Variants in GLIS3 observed in about 807,000 individuals in gnomAD.
GLIS3 encodes zinc finger protein GLIS3.
Under a neutral mutation model 78.6 loss-of-function variants are expected in GLIS3, and 53 were observed. The ratio of observed to expected loss-of-function variants is 0.67; its 90% CI spans 0.54 to 0.85. The LOEUF is 0.85. Among genes scored for constraint, GLIS3 ranks in the 40% least tolerant of loss-of-function variants. The pLI is 0.00. For missense variants in GLIS3, 1,703 were observed against 1,231.1 expected (o/e 1.38, Z -5.74); for synonymous variants, 684 against 509.9 (o/e 1.34, Z -4.60).
chr9:4,096,696 G>A lies in GLIS3; in HGVS notation c.1710+21072C>T, dbSNP rs144924095. Among the ~76,000 whole-genome samples, 237 of 152,176 alleles carry A rather than the reference G, an allele frequency of 1.6e-3. 2 individuals carry two copies. Among genetic ancestry groups the A allele is most frequent in the African/African-American group, 5.4e-3 (223 of 41,522 alleles). ...GGAGAGGGGAGAGGTAGAAATGAAGGGGGCGGAGAACAGCTTATAAACTAA... is the reference window on the plus strand; with the variant it reads ...GGAGAGGGGAGAGGTAGAAATGAAGAGGGCGGAGAACAGCTTATAAACTAA... On this transcript the variant is annotated intron_variant, in intron 4 of 10. Transcript: ENST00000381971.
chr9:4,233,402 T>C (rs1271957838), intron 2 of GLIS3, among the ~76,000 whole-genome samples: 2 of 152,368 alleles, frequency 1.3e-5, no homozygotes, highest in East Asian at 3.9e-4. Context: ...TTACCAATCA[T>C]GAAAACACAT....
At chr9:4,007,310 T>C (rs894850317) in intron 4 of GLIS3, among the ~76,000 whole-genome samples, 1 of 152,040 alleles carries the variant, frequency 6.6e-6, no homozygotes, top group African/African-American at 2.4e-5. Flanking sequence ...ATCTGAGCTT[T>C]TACCCCATCT....
the GLIS3 span, among the ~76,000 whole-genome samples, chr9:4,402,721 T>G: frequency 3.3e-5 from 5 of 152,152 alleles, no homozygotes; most frequent in African/African-American, 1.2e-4. Flanking sequence ...GTAGAATTGA[T>G]TAAGCAGAAG....
At chr9:3,991,816 G>C (rs561615055) in intron 4 of GLIS3, among the ~76,000 whole-genome samples, 1 of 150,432 alleles carries the variant, frequency 6.6e-6, no homozygotes, top group South Asian at 2.1e-4. Flanking sequence ...TCAGCCTCCC[G>C]AGTAGCTGGG....
chr9:4,369,959 A>C, the GLIS3 span, among the ~76,000 whole-genome samples: 1 of 152,212 alleles, frequency 6.6e-6, no homozygotes, highest in Non-Finnish European at 1.5e-5. Context: ...TGGGAGGCCG[A>C]GGCAGGCAGA....
chr9:4,338,812 T>C (rs989371646), intron 2 of GLIS3, among the ~76,000 whole-genome samples: 8 of 152,192 alleles, frequency 5.3e-5, no homozygotes, highest in African/African-American at 1.9e-4. Flanking sequence ...AAAAGCACTG[T>C]TGCTTGGGTC....
intron 6 of GLIS3, among the ~76,000 whole-genome samples, chr9:3,907,327 T>C (rs1162657408): frequency 6.6e-6 from 1 of 152,188 alleles, no homozygotes; most frequent in African/African-American, 2.4e-5. Flanking sequence ...ATTGGATTTC[T>C]AAGAAGGAGC....
chr9:4,109,589 C>A (rs556703719), intron 4 of GLIS3, among the ~76,000 whole-genome samples: 4 of 152,280 alleles, frequency 2.6e-5, no homozygotes, highest in Admixed American at 6.5e-5. Flanking sequence ...GTCAAAGTTT[C>A]ATTTCACATC....
chr9:4,325,956 G>C (rs553269803), intron 2 of GLIS3, among the ~76,000 whole-genome samples: 1 of 152,116 alleles, frequency 6.6e-6, no homozygotes, highest in Non-Finnish European at 1.5e-5. Flanking sequence ...CAAGAACAGA[G>C]AAACAAACAC....
intron 4 of GLIS3, among the ~76,000 whole-genome samples, chr9:4,040,884 G>C (rs1235903101): frequency 2.0e-5 from 3 of 152,176 alleles, no homozygotes; most frequent in African/African-American, 4.8e-5. Context: ...TGGTCTCCTG[G>C]TCCAGCAGCA....
intron 9 of GLIS3, among the ~76,000 whole-genome samples, chr9:3,832,439 G>C (rs545379413): frequency 2.0e-4 from 31 of 152,266 alleles, no homozygotes; most frequent in Non-Finnish European, 3.7e-4. Flanking sequence ...TTGGCCTTTT[G>C]AAGACCTGAG....
chr9:4,103,450 C>T (rs138356864), intron 4 of GLIS3, among the ~76,000 whole-genome samples: 13 of 152,190 alleles, frequency 8.5e-5, no homozygotes, highest in African/African-American at 2.9e-4. Flanking sequence ...ACACGAGATA[C>T]CACCAAATTC....
In GLIS3 at chr9:4,032,272, AC is replaced by A. The variant is rs1232956256; in HGVS notation, c.1710+85495del. Among the ~76,000 whole-genome samples the A allele has an allele frequency of 3.9e-5, 6 of 152,250 alleles. No individual in the cohort carries two copies. The East Asian group carries it at 1.2e-3, about 29-fold the overall frequency. ...CAAGAGGGGCTGGTTTCAGCGGAAT[AC>A]CCTTCATTCCTTCCCAAGTTTCTTA... On this transcript the variant is annotated intron_variant, in intron 4 of 10. Transcript: ENST00000381971.
chr9:4,379,468 A>G, the GLIS3 span, among the ~76,000 whole-genome samples: 694 of 152,314 alleles, frequency 4.6e-3, 2 homozygotes, highest in Admixed American at 9.1e-3. Flanking sequence ...GAAGATTGAC[A>G]ACATTAGTCC....
chr9:4,388,098 G>A, the GLIS3 span, among the ~76,000 whole-genome samples: 1 of 152,120 alleles, frequency 6.6e-6, no homozygotes, highest in Admixed American at 6.5e-5. Flanking sequence ...CCTGCATTCA[G>A]CCTTTGTCTT....
At chr9:4,134,748 A>T (rs554670282) in intron 2 of GLIS3, among the ~76,000 whole-genome samples, 3 of 152,314 alleles carry the variant, frequency 2.0e-5, no homozygotes, top group South Asian at 2.1e-4. Flanking sequence ...GCCATTTTTT[A>T]AAAAAGGAAC....
At chr9:4,229,482 T>C (rs1197867942) in intron 2 of GLIS3, among the ~76,000 whole-genome samples, 11 of 152,194 alleles carry the variant, frequency 7.2e-5, no homozygotes, top group Admixed American at 6.5e-5. Context: ...AGTGGGTCTT[T>C]AAAAGATTGT....
At chr9:4,102,719 T>C (rs1830467002) in intron 4 of GLIS3, among the ~76,000 whole-genome samples, 2 of 152,118 alleles carry the variant, frequency 1.3e-5, no homozygotes, top group Non-Finnish European at 2.9e-5. Flanking sequence ...TTATAATAAA[T>C]AAATCTCAAG....
chr9:4,333,007 G>A (rs1198242045), intron 2 of GLIS3, among the ~76,000 whole-genome samples: 1 of 152,212 alleles, frequency 6.6e-6, no homozygotes, highest in African/African-American at 2.4e-5. Flanking sequence ...TGCTTACTCT[G>A]ACAGCTGCTT....
Sources: gnomAD v4.1 joint callset for allele counts (sites outside exome capture counted in the v4.1 genomes callset) on GRCh38, gnomAD v4.1.1 for gene constraint, MANE v1.5 for transcripts, NCBI Gene and HGNC (gene_info 2026-07-23, HGNC 2026-07-21) for gene names.